Variants in GABRG3 observed in about 807,000 individuals in gnomAD.
The protein encoded by GABRG3 is gamma-aminobutyric acid receptor subunit gamma-3.
GABRG3 carries 25 observed loss-of-function variants against 48.8 expected under a neutral mutation model. That is an observed-to-expected ratio of 0.51 (90% CI 0.37 to 0.72). The LOEUF (loss-of-function observed/expected upper bound fraction) is 0.72, where lower values mean the gene tolerates loss of function less well. Ranked by LOEUF, GABRG3 falls within the 30% of genes least tolerant of loss-of-function variation. The probability of loss-of-function intolerance (pLI) is 0.00; values close to 1 mark genes in which losing one functional copy is unlikely to be tolerated. For missense variants in GABRG3, 394 were observed against 577.9 expected, an observed-to-expected ratio of 0.68 and a Z score of 3.26; for synonymous variants, 227 against 217.6, an observed-to-expected ratio of 1.04 and a Z score of -0.38.
At chr15:27,498,289 T>C (rs1890535279) in intron 6 of GABRG3, among the ~76,000 whole-genome samples, 1 of 152,176 alleles carries the variant, frequency 6.6e-6, no homozygotes, top group Non-Finnish European at 1.5e-5. Context: ...TGCATTTCCA[T>C]AGCTAGTCTG....
intron 5 of GABRG3, among the ~76,000 whole-genome samples, chr15:27,370,228 C>G (rs978993820): frequency 5.3e-5 from 8 of 152,164 alleles, no homozygotes; most frequent in African/African-American, 1.9e-4. Context: ...CCTGAAGTAT[C>G]TTTCAGCTTT....
rs1894935129 is a variant in GABRG3 at position 26,976,003 on chromosome 15, A to C, written c.54-999A>C. ...GGCAGAAAGAGACTGTCTGCTCTCCAAGCCCAAATAACTATGGTGTTGAGA... is the reference window on the plus strand; with the variant it reads ...GGCAGAAAGAGACTGTCTGCTCTCCCAGCCCAAATAACTATGGTGTTGAGA... On this transcript the variant is annotated intron_variant, in intron 1 of 9. Coordinates refer to ENST00000615808, the MANE Select transcript of GABRG3 (RefSeq NM_033223.5). This position sits in a 1 kb window ranked among gnomAD's most constrained non-coding sequence, Gnocchi z 7.8. Among the ~76,000 whole-genome samples the C allele has an allele frequency of 1.3e-5, 2 of 152,332 alleles. No individual in the cohort carries two copies. Among genetic ancestry groups the C allele is most frequent in the Non-Finnish European group, 2.9e-5 (2 of 68,022 alleles).
In GABRG3 at chr15:27,533,046, A is replaced by C; in HGVS notation, c.*165A>C. On this transcript the variant is annotated 3_prime_UTR_variant, in exon 10 of 10. Coordinates refer to ENST00000615808, the MANE Select transcript of GABRG3 (RefSeq NM_033223.5). The stretch of plus-strand genomic sequence containing the variant: ...CAGGAAGTACCCAGCAAAGGTTTCT[A>C]TTATGTATTTTACACACACACATAC... 1 of 629,638 alleles carries C rather than the reference A, an allele frequency of 1.6e-6. No homozygotes were observed. Among genetic ancestry groups the C allele is most frequent in the Non-Finnish European group, 2.7e-6 (1 of 365,380 alleles). 39.0% of individuals were successfully genotyped at this position (629,638 alleles called of 1,614,324 possible).
chr15:27,306,109 A>G (rs1566767382), intron 3 of GABRG3, among the ~76,000 whole-genome samples: 1 of 118,560 alleles, frequency 8.4e-6, no homozygotes, highest in Non-Finnish European at 1.7e-5. Flanking sequence ...ATATATAAAC[A>G]TATATAATAT....
chr15:27,027,693 A>T (rs980922818), intron 3 of GABRG3, among the ~76,000 whole-genome samples: 1 of 152,214 alleles, frequency 6.6e-6, no homozygotes, highest in African/African-American at 2.4e-5. Context: ...TGATTCACTT[A>T]AAAAATCTCC....
chr15:27,471,025 A>G (rs1426364828), intron 5 of GABRG3, among the ~76,000 whole-genome samples: 1 of 152,110 alleles, frequency 6.6e-6, no homozygotes. Context: ...GAGGAACTGC[A>G]TTAGAGAAAG....
intron 3 of GABRG3, among the ~76,000 whole-genome samples, chr15:27,229,047 G>A (rs999493566): frequency 3.9e-5 from 6 of 152,038 alleles, no homozygotes; most frequent in Non-Finnish European, 7.4e-5. Context: ...TCCTTTTGCC[G>A]TGCAGAAGCT....
Position 26,976,944 on chromosome 15 carries a change from G to T in GABRG3, c.54-58G>T. Reference sequence around the variant, plus strand: ...TGGTACTTGGATAGGACAAACTTAGGCTCTTCCTAGAGCCATTGCTGCCAC... The same window carrying T: ...TGGTACTTGGATAGGACAAACTTAGTCTCTTCCTAGAGCCATTGCTGCCAC... On this transcript the variant is annotated intron_variant, in intron 1 of 9. Coordinates refer to ENST00000615808, the MANE Select transcript of GABRG3 (RefSeq NM_033223.5). This position sits in a 1 kb window ranked among gnomAD's most constrained non-coding sequence, Gnocchi z 7.8. 1 of 1,593,738 alleles carries T rather than the reference G, an allele frequency of 6.3e-7. No homozygotes were observed. Among genetic ancestry groups the T allele is most frequent in the South Asian group, 1.1e-5 (1 of 90,026 alleles).
At chr15:27,247,271 C>T (rs1026439094) in intron 3 of GABRG3, among the ~76,000 whole-genome samples, 1 of 152,040 alleles carries the variant, frequency 6.6e-6, no homozygotes, top group South Asian at 2.1e-4. Context: ...CATAGAGACT[C>T]TTCTCCTTGT....
At chr15:27,511,020 GAGA>G (rs1481129541) in intron 6 of GABRG3, among the ~76,000 whole-genome samples, 14 of 152,166 alleles carry the variant, frequency 9.2e-5, no homozygotes, top group Admixed American at 2.0e-4. Flanking sequence ...GTGTGCGATA[GAGA>G]AGATTTTTAC....
At chr15:27,256,401 A>G (rs1014871410) in intron 3 of GABRG3, among the ~76,000 whole-genome samples, 7 of 149,258 alleles carry the variant, frequency 4.7e-5, no homozygotes, top group Admixed American at 2.0e-4. Context: ...AGATGGCGCC[A>G]CTGCACTCCA....
intron 5 of GABRG3, among the ~76,000 whole-genome samples, chr15:27,475,957 G>A (rs529504814): frequency 6.6e-6 from 1 of 152,204 alleles, no homozygotes; most frequent in Non-Finnish European, 1.5e-5. Flanking sequence ...GTAGGGGCGA[G>A]GAATTCGAGG....
At chr15:27,221,923 G>GGCT (rs1889466694) in intron 3 of GABRG3, among the ~76,000 whole-genome samples, 1 of 152,132 alleles carries the variant, frequency 6.6e-6, no homozygotes, top group South Asian at 2.1e-4. Flanking sequence ...TCCCCAAATG[G>GGCT]GCTACATGAT....
rs376443456 is a variant in GABRG3 at position 27,486,722 on chromosome 15, G to A, written c.712+5935G>A. ...GGAAACTGCCTTCTCCTTTATATGGGTATTGTGAATTTAGGTGAATCAACA... is the reference window on the plus strand; with the variant it reads ...GGAAACTGCCTTCTCCTTTATATGGATATTGTGAATTTAGGTGAATCAACA... On this transcript the variant is annotated intron_variant, in intron 6 of 9. Coordinates refer to ENST00000615808, the MANE Select transcript of GABRG3 (RefSeq NM_033223.5). 5.9e-5 allele frequency among the ~76,000 whole-genome samples: 9 copies of A among 152,152 alleles called. 1 individual carries two copies. In the East Asian group the frequency reaches 9.7e-4, roughly 16 times the overall value.
chr15:27,172,626 G>T (rs1423836292), intron 3 of GABRG3, among the ~76,000 whole-genome samples: 1 of 152,178 alleles, frequency 6.6e-6, no homozygotes, highest in Non-Finnish European at 1.5e-5. Flanking sequence ...TGCAGGAAAA[G>T]ACCTGGTCAT....
chr15:27,001,888 G>GTTTGTTTTTTTTT (rs1555397292), intron 2 of GABRG3, among the ~76,000 whole-genome samples: 13 of 121,206 alleles, frequency 1.1e-4, no homozygotes, highest in African/African-American at 4.1e-4. Context: ...CCATAACTCA[G>GTTTGTTTTTTTTT]TTTTTTTTTT....
At chr15:27,309,997 T>G (rs1284339127) in intron 3 of GABRG3, among the ~76,000 whole-genome samples, 1 of 152,096 alleles carries the variant, frequency 6.6e-6, no homozygotes, top group African/African-American at 2.4e-5. Context: ...ATAATGAACT[T>G]TTAATATATG....
chr15:27,023,921 G>C (rs547828373), intron 2 of GABRG3, among the ~76,000 whole-genome samples: 2 of 152,282 alleles, frequency 1.3e-5, no homozygotes, highest in East Asian at 1.9e-4. Flanking sequence ...CCCACAAACA[G>C]TGCACAAGGA....
intron 5 of GABRG3, among the ~76,000 whole-genome samples, chr15:27,353,696 A>T (rs1894729098): frequency 6.6e-6 from 1 of 151,716 alleles, no homozygotes; most frequent in South Asian, 2.1e-4. Flanking sequence ...CACCCACCTC[A>T]CCTCTCAAAG....
Sources: allele counts gnomAD v4.1 joint callset (sites outside exome capture counted in the v4.1 genomes callset), GRCh38; gene constraint gnomAD v4.1.1; non-coding constraint Gnocchi (gnomAD v3.1); transcripts MANE v1.5; gene names NCBI Gene and HGNC (gene_info 2026-07-23, HGNC 2026-07-21).